Variants in MLLT3 observed in about 807,000 individuals in gnomAD.
MLLT3 encodes protein AF-9.
In MLLT3, 4 loss-of-function variants were observed where a neutral mutation model predicts 53.2. The observed-to-expected ratio is 0.08, with a 90% CI of 0.04 to 0.17. The LOEUF (loss-of-function observed/expected upper bound fraction) is 0.17. Among genes scored for constraint, MLLT3 ranks in the 10% least tolerant of loss-of-function variants. The pLI is 1.00. For missense variants in MLLT3, 569 were observed against 684.0 expected (o/e 0.83, Z 1.87); for synonymous variants, 283 against 230.6 (o/e 1.23, Z -2.06).
chr9:20,554,238 A>C (rs544740819), intron 2 of MLLT3, among the ~76,000 whole-genome samples: 45 of 152,290 alleles, frequency 3.0e-4, no homozygotes, highest in African/African-American at 9.9e-4. Context: ...TTTCCTGTAC[A>C]GTACTGCTTT....
In MLLT3 at chr9:20,501,745, G is replaced by A. The variant is rs1402595059; in HGVS notation, c.194-44959C>T. ...CGCAGTCCGGCCTGGGCGACAGAGC[G>A]AGACTCCGTCTCAAAAAAAAAAAAA... On this transcript the variant is annotated intron_variant, in intron 2 of 10. Transcript: ENST00000380338. Among the ~76,000 whole-genome samples the A allele has an allele frequency of 8.6e-5, 10 of 116,298 alleles. No individual in the cohort carries two copies. In the South Asian group the frequency reaches 1.3e-3, roughly 15 times the overall value. 76.3% of individuals were successfully genotyped at this position (116,298 alleles called of 152,430 possible). A position where few individuals can be genotyped will look rare whatever the true frequency, so the allele number is the denominator to read the frequency against.
chr9:20,447,948 T>A (rs554952577), intron 4 of MLLT3, among the ~76,000 whole-genome samples, 175 bp downstream of exon 4: 2 of 152,302 alleles, frequency 1.3e-5, no homozygotes, highest in East Asian at 1.9e-4. Context: ...AATATTATTG[T>A]CTACCTGTTC....
intron 4 of MLLT3, among the ~76,000 whole-genome samples, 190 bp downstream of exon 4, chr9:20,447,933 T>C (rs1407872786): frequency 6.6e-6 from 1 of 152,172 alleles, no homozygotes; most frequent in Non-Finnish European, 1.5e-5. Flanking sequence ...CTTAAGCCTA[T>C]CTAAAATATT....
In MLLT3 at chr9:20,354,958, C is replaced by T. The variant is rs1054601632; in HGVS notation, c.1432-79G>A. On this transcript the variant is annotated intron_variant, in intron 8 of 10. Transcript: ENST00000380338. ...AACCAGCCACCTAAACAAAGGCATC[C>T]ACTGAATGAAATGTACAGTAACATT... is the stretch of plus-strand genomic sequence containing the variant. 3 of 930,726 alleles carry T rather than the reference C, an allele frequency of 3.2e-6. No homozygotes were observed. The South Asian group carries it at 4.0e-5, about 12-fold the overall frequency. 57.7% of individuals were successfully genotyped at this position (930,726 alleles called of 1,614,324 possible). A position where few individuals can be genotyped will look rare whatever the true frequency, so the allele number is the denominator to read the frequency against.
chr9:20,378,141 G>T (rs1563942978), intron 5 of MLLT3, among the ~76,000 whole-genome samples: 1 of 150,292 alleles, frequency 6.7e-6, no homozygotes, highest in African/African-American at 2.5e-5. Context: ...TCAATTTTTT[G>T]TATGTGTTTT....
At chr9:20,434,609 A>T (rs1250452778) in intron 4 of MLLT3, among the ~76,000 whole-genome samples, 1 of 152,322 alleles carries the variant, frequency 6.6e-6, no homozygotes, top group South Asian at 2.1e-4. Context: ...TTATCCTAAG[A>T]GGAATCGAAA....
intron 2 of MLLT3, among the ~76,000 whole-genome samples, chr9:20,575,785 C>A (rs1354060223): frequency 6.6e-6 from 1 of 152,168 alleles, no homozygotes; most frequent in Admixed American, 6.6e-5. Flanking sequence ...TTATAGAGCA[C>A]AGGCAGAGTA....
At chr9:20,501,473 C>G (rs112831986) in intron 2 of MLLT3, among the ~76,000 whole-genome samples, 6 of 152,252 alleles carry the variant, frequency 3.9e-5, no homozygotes, top group African/African-American at 1.4e-4. Flanking sequence ...CACACCCGGC[C>G]GGGCACGGTG....
chr9:20,583,897 T>C (rs1425240136), intron 2 of MLLT3, among the ~76,000 whole-genome samples: 1 of 152,196 alleles, frequency 6.6e-6, no homozygotes, highest in Non-Finnish European at 1.5e-5. Context: ...GGATTAACAT[T>C]AGGCTCCTTG....
intron 4 of MLLT3, among the ~76,000 whole-genome samples, chr9:20,446,207 C>A (rs913246525): frequency 6.6e-6 from 1 of 152,138 alleles, no homozygotes; most frequent in African/African-American, 2.4e-5. Flanking sequence ...ATATTTCAAA[C>A]AGCATATGCC....
intron 2 of MLLT3, among the ~76,000 whole-genome samples, chr9:20,601,015 G>C (rs1449369735): frequency 6.6e-6 from 1 of 152,214 alleles, no homozygotes; most frequent in Admixed American, 6.5e-5. Flanking sequence ...AAAAAGTGTA[G>C]TCAATCACAG....
intron 2 of MLLT3, among the ~76,000 whole-genome samples, chr9:20,521,161 C>T (rs1472928774): frequency 1.3e-5 from 2 of 151,934 alleles, no homozygotes; most frequent in African/African-American, 4.8e-5. Flanking sequence ...ACCTCCACCT[C>T]CTGAGTTCAA....
chr9:20,586,114 T>A (rs1205400574), intron 2 of MLLT3, among the ~76,000 whole-genome samples: 1 of 152,080 alleles, frequency 6.6e-6, no homozygotes, highest in Non-Finnish European at 1.5e-5. Flanking sequence ...ACTCAGGAGT[T>A]TGCGACCAGC....
At chr9:20,427,252 G>C (rs765343330) in intron 4 of MLLT3, among the ~76,000 whole-genome samples, 3 of 147,890 alleles carry the variant, frequency 2.0e-5, no homozygotes, top group Admixed American at 6.8e-5. Flanking sequence ...CAAGCAATAA[G>C]AAATTAATAA....
At chr9:20,494,926 C>G (rs1464044434) in intron 2 of MLLT3, among the ~76,000 whole-genome samples, 3 of 152,084 alleles carry the variant, frequency 2.0e-5, no homozygotes, top group African/African-American at 7.2e-5. Flanking sequence ...TACATATATG[C>G]AAGATGATTT....
At chr9:20,476,053 G>A (rs967522539) in intron 2 of MLLT3, among the ~76,000 whole-genome samples, 15 of 151,736 alleles carry the variant, frequency 9.9e-5, no homozygotes, top group African/African-American at 3.1e-4. Flanking sequence ...ACATTAATGC[G>A]CTGTTTTTTT....
chr9:20,353,269 T>C (rs914470598), intron 10 of MLLT3, among the ~76,000 whole-genome samples: 1 of 152,024 alleles, frequency 6.6e-6, no homozygotes, highest in Non-Finnish European at 1.5e-5. Flanking sequence ...ATCACTACAA[T>C]CCAGTATCAC....
chr9:20,411,777 G>A (rs1430736617), intron 5 of MLLT3: 1 of 152,042 alleles, frequency 6.6e-6, no homozygotes, highest in African/African-American at 2.4e-5. Flanking sequence ...TAAATGGGAG[G>A]GAGCAAGAGG....
chr9:20,499,484 T>C (rs1292802259), intron 2 of MLLT3, among the ~76,000 whole-genome samples: 2 of 152,184 alleles, frequency 1.3e-5, no homozygotes, highest in Non-Finnish European at 2.9e-5. Context: ...CTAAAAACAT[T>C]GTCTTTAAAA....
Sources: gnomAD v4.1 joint callset for allele counts (sites outside exome capture counted in the v4.1 genomes callset) on GRCh38, gnomAD v4.1.1 for gene constraint, MANE v1.5 for transcripts, NCBI Gene and HGNC (gene_info 2026-07-23, HGNC 2026-07-21) for gene names.